The following COL6A2 variants were observed in gnomAD, a reference collection of about 807,000 sequenced individuals.
The protein encoded by COL6A2 is collagen alpha-2(VI) chain.
A neutral mutation model predicts 124.9 loss-of-function variants in COL6A2; 90 were observed. That is an observed-to-expected ratio of 0.72 (90% confidence interval 0.61 to 0.86). The LOEUF (loss-of-function observed/expected upper bound fraction) is 0.86, where lower values mean the gene tolerates loss of function less well. Ranked by LOEUF, COL6A2 falls within the 40% of genes least tolerant of loss-of-function variation. The probability of loss-of-function intolerance (pLI) is 0.00; values close to 1 mark genes in which losing one functional copy is unlikely to be tolerated. For synonymous variants in COL6A2, 793 were observed against 618.2 expected, an observed-to-expected ratio of 1.28 and a Z score of -4.19; for missense variants, 1,607 against 1,502.5, an observed-to-expected ratio of 1.07 and a Z score of -1.15.
chr21:46,121,041 A>G lies in COL6A2; in HGVS notation c.1396-20A>G, dbSNP rs1398193069. Reference sequence around the variant, plus strand: ...CTGCTGTCAGTCAAGAGAACCCCAAATTCCTCCCCTTTCTTCCAGGGAGAC... The same window carrying G: ...CTGCTGTCAGTCAAGAGAACCCCAAGTTCCTCCCCTTTCTTCCAGGGAGAC... On this transcript the variant is annotated intron_variant, in intron 16 of 27. Transcript: ENST00000300527. 6.2e-7 allele frequency: 1 copy of G among 1,612,164 alleles called. No individual in the cohort carries two copies.
In COL6A2 at chr21:46,111,960, C is replaced by G; in HGVS notation, c.116-19C>G. ...AGTCCCTCCTGAGGCTGGCTCGTGA[C>G]AGGTCCTGTGCCCCACAGAGAAGAC... On this transcript the variant is annotated intron_variant, in intron 2 of 27. Coordinates refer to ENST00000300527, the MANE Select transcript of COL6A2 (RefSeq NM_001849.4). The G allele has an allele frequency of 6.2e-7, 1 of 1,607,902 alleles. No individual in the cohort carries two copies.
At chr21:46,125,373 A>G (rs780852013) in intron 24 of COL6A2, 62 bp downstream of exon 24, 1 of 1,604,946 alleles carries the variant, frequency 6.2e-7, no homozygotes, top group Admixed American at 1.7e-5. Flanking sequence ...GGAGTGCAGC[A>G]GGGCTGGGTC....
chr21:46,122,388 A>C, intron 19 of COL6A2, 108 bp from the exon 20 acceptor site: 2 of 1,445,600 alleles, frequency 1.4e-6, no homozygotes, highest in South Asian at 2.3e-5. Flanking sequence ...CCTCACCCAG[A>C]GTGTGAATGA....
In COL6A2 at chr21:46,121,577, G is replaced by A; in HGVS notation, c.1480G>A (p.Asp494Asn). Residue 494 changes from aspartate to asparagine, a missense_variant, in exon 18 of 28, where the codon GAT (aspartate) becomes AAT (asparagine). By Grantham distance (23) the Asp-to-Asn change is conservative. Coordinates refer to ENST00000300527, the MANE Select transcript of COL6A2 (RefSeq NM_001849.4). Reference sequence around the variant, plus strand: ...TCAGGGATCTCGGGGAGACCCCGGTGATGCAGGACCCCGTGGAGACTCAGG... The same window carrying A: ...TCAGGGATCTCGGGGAGACCCCGGTAATGCAGGACCCCGTGGAGACTCAGG... Reference protein sequence around the residue: ...GKQGSRGDPGDAGPRGDSGQP... With the variant: ...GKQGSRGDPGNAGPRGDSGQP... 2 of 1,612,824 alleles carry A rather than the reference G, an allele frequency of 1.2e-6. No homozygotes were observed. The highest frequency in any genetic ancestry group is 1.7e-6 in the Non-Finnish European group (2 of 1,179,948).
chr21:46,121,305 G>GCCCCCCAT (rs910601002), intron 17 of COL6A2, among the ~76,000 whole-genome samples, 182 bp downstream of exon 17: 4 of 152,136 alleles, frequency 2.6e-5, no homozygotes, highest in Non-Finnish European at 5.9e-5. Context: ...CTCAGCCCCA[G>GCCCCCCAT]CCCCCCATCC....
chr21:46,124,549 G>T, intron 21 of COL6A2, 102 bp from the exon 22 acceptor site: 1 of 952,312 alleles, frequency 1.1e-6, no homozygotes. Flanking sequence ...CCCCCCCCCC[G>T]CCAAGGGAGG....
chr21:46,121,025 G>T (rs1441574557), intron 16 of COL6A2, 36 bp from the exon 17 acceptor site: 1 of 1,605,792 alleles, frequency 6.2e-7, no homozygotes, highest in Admixed American at 1.7e-5. Flanking sequence ...GCTGCTGTCA[G>T]TCAAGAGAAC....
intron 1 of COL6A2, 184 bp from the exon 2 acceptor site, chr21:46,111,266 A>G: frequency 3.6e-6 from 2 of 551,570 alleles, no homozygotes; most frequent in Admixed American, 3.1e-5. Context: ...GGGTGGGGCA[A>G]GAGGGCGCAA....
In COL6A2 at chr21:46,113,786, C is replaced by T. The variant is rs1030073641; in HGVS notation, c.736-222C>T. 18 of 617,756 alleles carry T rather than the reference C, an allele frequency of 2.9e-5. No individual in the cohort carries two copies. In the Admixed American group the frequency reaches 4.2e-4, roughly 14 times the overall value. 38.3% of individuals were successfully genotyped at this position (617,756 alleles called of 1,614,324 possible). On this transcript the variant is annotated intron_variant, in intron 4 of 27. Coordinates refer to ENST00000300527, the MANE Select transcript of COL6A2 (RefSeq NM_001849.4). ...CTTGGTTTTTTAAACTTGCCTAGAA[C>T]ACCTGACCGAGAGCCAAACTCTTTG...
chr21:46,112,619 C>G, intron 3 of COL6A2, 42 bp downstream of exon 3: 1 of 1,602,480 alleles, frequency 6.2e-7, no homozygotes, highest in Non-Finnish European at 8.5e-7. Context: ...CCAGGGGTGG[C>G]CACGGTGGGC....
At chr21:46,113,968 C>T (rs1184555310) in intron 4 of COL6A2, 40 bp from the exon 5 acceptor site, 1 of 1,566,708 alleles carries the variant, frequency 6.4e-7, no homozygotes, top group Non-Finnish European at 8.8e-7. Context: ...TGAGGAATGT[C>T]CCACCCATGC....
intron 5 of COL6A2, 22 bp downstream of exon 5, chr21:46,114,095 CA>C: frequency 6.2e-7 from 1 of 1,601,420 alleles, no homozygotes; most frequent in Non-Finnish European, 8.6e-7. Context: ...AGATTACCTG[CA>C]GGGTCTGCGC....
At chr21:46,124,586 G>GCCCTGCTGTGTGCAGGGACAGT in intron 21 of COL6A2, 65 bp from the exon 22 acceptor site, 1 of 1,501,628 alleles carries the variant, frequency 6.7e-7, no homozygotes, top group Non-Finnish European at 9.3e-7. Context: ...AGCACAGGGG[G>GCCCTGCTGTGTGCAGGGACAGT]CCCTGCTGTG....
At chr21:46,100,240 C>T (rs938395583) in intron 1 of COL6A2, among the ~76,000 whole-genome samples, 1 of 152,092 alleles carries the variant, frequency 6.6e-6, no homozygotes, top group Non-Finnish European at 1.5e-5. Context: ...GGACTACAGG[C>T]ATGCACCACT....
intron 1 of COL6A2, among the ~76,000 whole-genome samples, chr21:46,100,302 C>T (rs539425440): frequency 2.0e-4 from 31 of 151,560 alleles, no homozygotes; most frequent in South Asian, 1.7e-3. Context: ...GTTGCCCAGG[C>T]CATGGATGTG....
chr21:46,119,711 C>T (rs1368761585), intron 14 of COL6A2, 77 bp from the exon 15 acceptor site: 23 of 1,362,390 alleles, frequency 1.7e-5, no homozygotes, highest in South Asian at 1.0e-4. Flanking sequence ...GCATCGGCCC[C>T]GGCACAGCCC....
chr21:46,109,683 C>T (rs2078374057), intron 1 of COL6A2, among the ~76,000 whole-genome samples: 1 of 152,326 alleles, frequency 6.6e-6, no homozygotes, highest in South Asian at 2.1e-4. Flanking sequence ...AGCACTGCCA[C>T]AAGCATGCAC....
chr21:46,123,707 G>GAGTA (rs1251333628), intron 21 of COL6A2, among the ~76,000 whole-genome samples: 87 of 150,564 alleles, frequency 5.8e-4, no homozygotes, highest in African/African-American at 2.0e-3. Context: ...GTGGGTAGAT[G>GAGTA]GATGGGTGGG....
intron 27 of COL6A2, 49 bp from the exon 28 acceptor site, chr21:46,131,905 G>A: frequency 2.0e-6 from 3 of 1,518,448 alleles, no homozygotes; most frequent in East Asian, 2.4e-5. Flanking sequence ...CACCTGCCCG[G>A]TCCTGCCCAC....
Sources: gnomAD v4.1 joint callset for allele counts (sites outside exome capture counted in the v4.1 genomes callset) on GRCh38, gnomAD v4.1.1 for gene constraint, MANE v1.5 for transcripts, NCBI Gene and HGNC (gene_info 2026-07-23, HGNC 2026-07-21) for gene names.